The following SNX29 variants were observed in gnomAD, a reference collection of about 807,000 sequenced individuals.
SNX29 encodes sorting nexin 29, also known as sorting nexin-29.
SNX29 carries 78 observed loss-of-function variants against 102.1 expected under a neutral mutation model. The observed-to-expected ratio is 0.76, with a 90% CI of 0.64 to 0.92. The LOEUF (loss-of-function observed/expected upper bound fraction) is 0.92, where lower values mean the gene tolerates loss of function less well. Ranked by LOEUF, SNX29 falls within the 40% of genes least tolerant of loss-of-function variation. SNX29 has a pLI of 0.00. For synonymous variants in SNX29, 580 were observed against 414.5 expected, an observed-to-expected ratio of 1.40 and a Z score of -4.85; for missense variants, 1,280 against 1,061.7, an observed-to-expected ratio of 1.21 and a Z score of -2.86.
At position 12,096,941 on chromosome 16, in the gene SNX29, G is replaced by A. The variant is rs535507986; in HGVS notation, c.1402+18026G>A. Among the ~76,000 whole-genome samples, 395 of 152,280 alleles carry A rather than the reference G, an allele frequency of 2.6e-3. 1 individual carries two copies. Among genetic ancestry groups the A allele is most frequent in the Non-Finnish European group, 4.4e-3 (297 of 68,024 alleles). ...GTCCAGAGGGTCACAGGAGGGAAAG[G>A]TTAAGGGCTCGGTGCAGGGGAGGTC... On this transcript the variant is annotated intron_variant, in intron 11 of 20. Coordinates refer to ENST00000566228, the MANE Select transcript of SNX29 (RefSeq NM_032167.5). This position sits in a 1 kb window ranked among gnomAD's most constrained non-coding sequence, Gnocchi z 4.2.
intron 1 of SNX29, among the ~76,000 whole-genome samples, chr16:11,998,917 C>T (rs2056185450): frequency 6.6e-6 from 1 of 152,176 alleles, no homozygotes; most frequent in African/African-American, 2.4e-5. Context: ...TGGTTGACAA[C>T]TGGGGGCAGT....
At chr16:12,481,779 C>G (rs1344038715) in intron 19 of SNX29, among the ~76,000 whole-genome samples, 1 of 152,204 alleles carries the variant, frequency 6.6e-6, no homozygotes, top group Non-Finnish European at 1.5e-5. Context: ...AAGTGATCCT[C>G]CCACCTCGGC....
intron 14 of SNX29, among the ~76,000 whole-genome samples, chr16:12,231,651 G>A (rs576735460): frequency 6.6e-6 from 1 of 152,204 alleles, no homozygotes; most frequent in African/African-American, 2.4e-5. Flanking sequence ...GGAGGATGTG[G>A]TCTCATAGGC....
chr16:12,357,444 T>G (rs1433724104), intron 16 of SNX29, among the ~76,000 whole-genome samples: 1 of 152,260 alleles, frequency 6.6e-6, no homozygotes, highest in Non-Finnish European at 1.5e-5. Context: ...TTGAATAGTT[T>G]TTTTGATTCA....
intron 13 of SNX29, among the ~76,000 whole-genome samples, chr16:12,188,807 C>T (rs1218449735): frequency 1.3e-5 from 2 of 152,328 alleles, no homozygotes; most frequent in Admixed American, 1.3e-4. Flanking sequence ...ATCCAGAGAA[C>T]AGCCAAGGAG....
At position 12,572,785 on chromosome 16, in the gene SNX29, C is replaced by T. The variant is rs1287374332; in HGVS notation, c.*4156C>T. On this transcript the variant is annotated 3_prime_UTR_variant, in exon 21 of 21. Transcript: ENST00000566228. ...GACCCGAGGAAGACCCCACCTCACT[C>T]CTCCTTCCCCAGTACATCAGACTGG... 6 of 1,063,412 alleles carry T rather than the reference C, an allele frequency of 5.6e-6. No homozygotes were observed. The highest frequency in any genetic ancestry group is 4.2e-4 in the Middle Eastern group (1 of 2,408). The allele number at this position is 1,063,412 out of a possible 1,614,324, so 65.9% of individuals were successfully genotyped here. A position where few individuals can be genotyped will look rare whatever the true frequency, so the allele number is the denominator to read the frequency against.
chr16:12,188,707 G>A (rs185134623), intron 13 of SNX29, among the ~76,000 whole-genome samples: 7 of 152,198 alleles, frequency 4.6e-5, no homozygotes, highest in Admixed American at 2.6e-4. Flanking sequence ...GGATGGTTAC[G>A]GGGGAGAGAG....
intron 13 of SNX29, among the ~76,000 whole-genome samples, chr16:12,144,270 A>G (rs2054970742): frequency 6.6e-6 from 1 of 152,232 alleles, no homozygotes; most frequent in Non-Finnish European, 1.5e-5. Flanking sequence ...TTTGAAAAAT[A>G]TAAAGAATAG....
chr16:12,221,603 G>T (rs1208706218), intron 14 of SNX29, among the ~76,000 whole-genome samples: 1 of 152,216 alleles, frequency 6.6e-6, no homozygotes, highest in African/African-American at 2.4e-5. Flanking sequence ...AACAGAGCAA[G>T]ACTGTCTCAA....
At chr16:12,425,383 T>C (rs4781234) in intron 18 of SNX29, among the ~76,000 whole-genome samples, 51,056 of 151,816 alleles carry the variant, frequency 0.34, 10,469 homozygotes, top group Non-Finnish European at 0.45. Context: ...CTGAGGCCTC[T>C]GGTCTCTGGA....
intron 20 of SNX29, among the ~76,000 whole-genome samples, chr16:12,555,210 C>A (rs560373060): frequency 1.3e-5 from 2 of 151,812 alleles, no homozygotes; most frequent in African/African-American, 2.4e-5. Context: ...GGACTATGGG[C>A]AGCTGCTGGG....
chr16:12,405,440 C>T (rs920105598), intron 18 of SNX29, among the ~76,000 whole-genome samples: 8 of 152,234 alleles, frequency 5.3e-5, no homozygotes, highest in Admixed American at 4.6e-4. Flanking sequence ...GCCCTGCTTC[C>T]AGCCAGCCTC....
intron 19 of SNX29, among the ~76,000 whole-genome samples, chr16:12,506,793 G>A (rs1037508228): frequency 4.6e-5 from 7 of 152,142 alleles, no homozygotes; most frequent in African/African-American, 2.4e-5. Flanking sequence ...GCCTGGCCTG[G>A]AAAGGTTATA....
chr16:12,092,891 A>G (rs1312275515), intron 11 of SNX29, among the ~76,000 whole-genome samples: 1 of 152,196 alleles, frequency 6.6e-6, no homozygotes, highest in African/African-American at 2.4e-5. Flanking sequence ...GCTTTTGGCT[A>G]GGCAAGCCAG....
chr16:12,349,702 G>A (rs113300149), intron 15 of SNX29, among the ~76,000 whole-genome samples: 2,933 of 152,262 alleles, frequency 0.019, 88 homozygotes, highest in African/African-American at 0.067. Context: ...AATGACAGGC[G>A]TTGATAGCAT....
intron 13 of SNX29, among the ~76,000 whole-genome samples, chr16:12,157,841 G>A (rs1186317028): frequency 6.6e-6 from 1 of 152,160 alleles, no homozygotes; most frequent in Non-Finnish European, 1.5e-5. Context: ...CTGGGCCTTT[G>A]CATGTGCTTG....
intron 16 of SNX29, among the ~76,000 whole-genome samples, chr16:12,359,969 G>A (rs1365300227): frequency 3.9e-5 from 6 of 152,032 alleles, no homozygotes; most frequent in Admixed American, 1.3e-4. Flanking sequence ...GATTACAGGC[G>A]CCCACCATTA....
chr16:12,317,830 C>G (rs907474417), intron 15 of SNX29, among the ~76,000 whole-genome samples: 1 of 152,238 alleles, frequency 6.6e-6, no homozygotes, highest in East Asian at 1.9e-4. Flanking sequence ...AATGGTGATG[C>G]TAATGACTCC....
intron 15 of SNX29, among the ~76,000 whole-genome samples, chr16:12,311,702 T>G (rs768002362): frequency 6.6e-6 from 1 of 152,254 alleles, no homozygotes; most frequent in Non-Finnish European, 1.5e-5. Context: ...TGTTTCTTTG[T>G]ATGTTGTCTG....
Sources: gnomAD v4.1 joint callset for allele counts (sites outside exome capture counted in the v4.1 genomes callset) on GRCh38, gnomAD v4.1.1 for gene constraint, Gnocchi (gnomAD v3.1) non-coding constraint, MANE v1.5 for transcripts, NCBI Gene and HGNC (gene_info 2026-07-23, HGNC 2026-07-21) for gene names.